Variants in CDKL3 observed in about 807,000 individuals in gnomAD.
CDKL3 encodes the protein cyclin dependent kinase like 3.
Under a neutral mutation model 69.3 loss-of-function variants are expected in CDKL3, and 65 were observed. The ratio of observed to expected loss-of-function variants is 0.94; its 90% confidence interval spans 0.77 to 1.15. The LOEUF is 1.15. CDKL3 is among the 50% of genes most tolerant of loss of function. The pLI, the probability that CDKL3 is intolerant of heterozygous loss-of-function variation, is 0.00. For missense variants in CDKL3, 652 were observed against 689.2 expected (o/e 0.95, Z 0.61); for synonymous variants, 202 against 221.6 (o/e 0.91, Z 0.79).
chr5:134,348,226 T>C (rs893227346), intron 4 of CDKL3, among the ~76,000 whole-genome samples: 4 of 152,088 alleles, frequency 2.6e-5, no homozygotes, highest in African/African-American at 9.7e-5. Context: ...TCTCTATTAT[T>C]TTAAAAAATG....
intron 6 of CDKL3, among the ~76,000 whole-genome samples, chr5:134,316,243 C>A (rs555783077): frequency 2.0e-5 from 3 of 152,266 alleles, no homozygotes; most frequent in African/African-American, 4.8e-5. Flanking sequence ...TGAGCCCCTG[C>A]CCCCGGACCA....
downstream of CDKL3, among the ~76,000 whole-genome samples, chr5:134,285,516 T>G (rs569828061): frequency 6.6e-6 from 1 of 152,322 alleles, no homozygotes; most frequent in South Asian, 2.1e-4. Context: ...ACCAAGTCCC[T>G]TGGCTGCACA....
intron 2 of CDKL3, among the ~76,000 whole-genome samples, chr5:134,361,168 A>G (rs1344432419): frequency 6.6e-6 from 1 of 152,192 alleles, no homozygotes; most frequent in Admixed American, 6.5e-5. Context: ...ACACTGACTT[A>G]ATTATAATCA....
At chr5:134,291,710 G>A (rs761008237) in intron 8 of CDKL3, among the ~76,000 whole-genome samples, 2 of 151,568 alleles carry the variant, frequency 1.3e-5, no homozygotes, top group African/African-American at 4.9e-5. Context: ...GGAGGCAGAG[G>A]TTGCAGTGAG....
At position 134,366,336 on chromosome 5, in the gene CDKL3, T is replaced by A. The variant is rs200641405; in HGVS notation, c.165+23A>T. ...TAACAATTTTTTCTTTTGACTTAGATGATTAAGGCAAAAGAAGCAAACCTT... is the reference window on the plus strand; with the variant it reads ...TAACAATTTTTTCTTTTGACTTAGAAGATTAAGGCAAAAGAAGCAAACCTT... On this transcript the variant is annotated intron_variant, in intron 2 of 12. Coordinates refer to ENST00000265334, the MANE Select transcript of CDKL3 (RefSeq NM_001113575.2). 1.6e-4 allele frequency: 247 copies of A among 1,515,700 alleles called. 1 individual carries two copies. Among genetic ancestry groups the A allele is most frequent in the Admixed American group, 4.4e-4 (17 of 38,692 alleles). The allele number at this position is 1,515,700 out of a possible 1,614,324, so 93.9% of individuals were successfully genotyped here. A position where few individuals can be genotyped will look rare whatever the true frequency, so the allele number is the denominator to read the frequency against.
rs190829537 is a variant in CDKL3, at chr5:134,306,709, T to A, written c.1365-7A>T. On this transcript the variant is annotated splice_polypyrimidine_tract_variant and splice_region_variant and intron_variant, in intron 9 of 12. Coordinates refer to ENST00000265334, the MANE Select transcript of CDKL3 (RefSeq NM_001113575.2). The stretch of plus-strand genomic sequence containing the variant: ...TTTTGCTCTTTCAGTTAACCTATTA[T>A]TTAAAAATGAATGAGAAGTTACTAA... 7 of 1,435,730 alleles carry A rather than the reference T, an allele frequency of 4.9e-6. No homozygotes were observed. In the Admixed American group the frequency reaches 1.4e-4, roughly 28 times the overall value. 88.9% of individuals were successfully genotyped at this position (1,435,730 alleles called of 1,614,324 possible). A position where few individuals can be genotyped will look rare whatever the true frequency, so the allele number is the denominator to read the frequency against.
chr5:134,338,462 G>T (rs1777619250), intron 4 of CDKL3, among the ~76,000 whole-genome samples: 1 of 152,072 alleles, frequency 6.6e-6, no homozygotes, highest in South Asian at 2.1e-4. Context: ...GGCTGAGGCA[G>T]GAGAATCACT....
chr5:134,341,345 G>A (rs1750441272), intron 4 of CDKL3, among the ~76,000 whole-genome samples: 2 of 152,132 alleles, frequency 1.3e-5, no homozygotes, highest in African/African-American at 4.8e-5. Flanking sequence ...CAATTAGACA[G>A]GAAAAAGAAA....
At position 134,298,559 on chromosome 5, in the gene CDKL3, TAAC is replaced by T. The variant is rs1171322158; in HGVS notation, c.*89_*91del. The T allele has an allele frequency of 9.9e-6, 15 of 1,518,096 alleles. No homozygotes were observed. Among genetic ancestry groups the T allele is most frequent in the Admixed American group, 2.2e-5 (1 of 45,808 alleles). 94.0% of individuals were successfully genotyped at this position (1,518,096 alleles called of 1,614,324 possible). ...TGCTCATGCACATGGATGGCTGTCT[TAAC>T]AACAACTCACATCACACTTCTATTG... On this transcript the variant is annotated 3_prime_UTR_variant, in exon 13 of 13. Coordinates refer to ENST00000265334, the MANE Select transcript of CDKL3 (RefSeq NM_001113575.2).
At chr5:134,318,800 T>A (rs1771905277) in intron 6 of CDKL3, among the ~76,000 whole-genome samples, 1 of 152,144 alleles carries the variant, frequency 6.6e-6, no homozygotes, top group Non-Finnish European at 1.5e-5. Context: ...CTCCAGTTTA[T>A]ACCTAATTAT....
intron 4 of CDKL3, among the ~76,000 whole-genome samples, chr5:134,342,762 G>A (rs925024343): frequency 7.0e-4 from 107 of 152,298 alleles, no homozygotes; most frequent in Non-Finnish European, 1.4e-3. Context: ...AATCTCAGAT[G>A]TCTGTTTTGC....
intron 6 of CDKL3, among the ~76,000 whole-genome samples, chr5:134,317,271 GACT>G (rs2149473925): frequency 6.6e-6 from 1 of 152,166 alleles, no homozygotes; most frequent in South Asian, 2.1e-4. Flanking sequence ...AAGTAGCTGG[GACT>G]ACAGGTGCAC....
At chr5:134,357,301 G>C (rs1018559907) in intron 3 of CDKL3, among the ~76,000 whole-genome samples, 1 of 152,010 alleles carries the variant, frequency 6.6e-6, no homozygotes, top group African/African-American at 2.4e-5. Context: ...AAAATTAGCC[G>C]GGCATGATGG....
intron 11 of CDKL3, among the ~76,000 whole-genome samples, chr5:134,303,652 T>G (rs896457233): frequency 7.4e-5 from 11 of 148,732 alleles, no homozygotes; most frequent in African/African-American, 2.5e-4. Flanking sequence ...GAAATCAGCC[T>G]GTCCAAAATG....
At chr5:134,355,667 C>T (rs771367399) in intron 3 of CDKL3, among the ~76,000 whole-genome samples, 11 of 147,420 alleles carry the variant, frequency 7.5e-5, no homozygotes, top group Non-Finnish European at 1.5e-4. Context: ...CCCCTAATTC[C>T]ATTTAACAAA....
At chr5:134,355,529 G>C (rs1423652488) in intron 3 of CDKL3, among the ~76,000 whole-genome samples, 1 of 152,180 alleles carries the variant, frequency 6.6e-6, no homozygotes, top group Non-Finnish European at 1.5e-5. Flanking sequence ...AGTATGGTAA[G>C]AAAGGTATTT....
rs988394190 is a variant in CDKL3 at position 134,350,305 on chromosome 5, C to T, written c.483G>A (p.Val161=). 2.5e-6 allele frequency: 4 copies of T among 1,593,802 alleles called. No homozygotes were observed. The highest frequency in any genetic ancestry group is 3.4e-6 in the Non-Finnish European group (4 of 1,169,836). ...AAPGDIYTDY[V]ATRWYRAPEL... ...CGGGAGCTCTATACCAGCGTGTGGC[C>T]ACATAGTCCGTATAAATGTCCCCAG... Residue 161 remains valine, a synonymous_variant, in exon 4 of 13, where the codon GTG becomes GTA. Transcript: ENST00000265334.
chr5:134,365,280 A>AT (rs897770755), intron 2 of CDKL3, among the ~76,000 whole-genome samples: 5 of 144,584 alleles, frequency 3.5e-5, no homozygotes, highest in South Asian at 4.4e-4. Flanking sequence ...CCCGGCCTTA[A>AT]TTTTTTTTGT....
intron 6 of CDKL3, among the ~76,000 whole-genome samples, chr5:134,316,879 A>T (rs1207369213): frequency 2.6e-5 from 4 of 152,114 alleles, no homozygotes; most frequent in African/African-American, 9.7e-5. Context: ...CTTGGTTGGG[A>T]AAACTTTAGA....
Sources: gnomAD v4.1 joint callset for allele counts (sites outside exome capture counted in the v4.1 genomes callset) on GRCh38, gnomAD v4.1.1 for gene constraint, MANE v1.5 for transcripts, NCBI Gene and HGNC (gene_info 2026-07-23, HGNC 2026-07-21) for gene names.